The following ADA variants were observed in gnomAD, a reference collection of about 807,000 sequenced individuals.
ADA encodes the protein adenosine deaminase, also known as adenosine aminohydrolase.
In ADA, 45 loss-of-function variants were observed where a neutral mutation model predicts 49.0. That is an observed-to-expected ratio of 0.92 (90% CI 0.72 to 1.18). ADA has a LOEUF of 1.18. Among genes scored for constraint, ADA ranks in the 50% most tolerant of loss-of-function variants. The pLI, the probability that ADA is intolerant of heterozygous loss-of-function variation, is 0.00. For missense variants in ADA, 445 were observed against 472.5 expected, an observed-to-expected ratio of 0.94 and a Z score of 0.54; for synonymous variants, 173 against 184.2, an observed-to-expected ratio of 0.94 and a Z score of 0.49.
At chr20:44,636,205 G>C (rs1232934947) in intron 2 of ADA, 22 bp downstream of exon 2, 1 of 1,599,978 alleles carries the variant, frequency 6.3e-7, no homozygotes, top group South Asian at 1.1e-5. Context: ...CAGGGAGAGA[G>C]GGCTCTTCTG....
chr20:44,636,265 G>A lies in ADA; in HGVS notation c.57C>T (p.Asp19=), dbSNP rs762695968. 3.2e-5 allele frequency: 51 copies of A among 1,609,386 alleles called. 1 individual carries two copies. The highest frequency in any genetic ancestry group is 4.4e-5 in the South Asian group (4 of 90,064). Residue 19 remains aspartate (D), a synonymous_variant, in exon 2 of 12, where the codon GAC becomes GAT. Transcript: ENST00000372874. ...AGATGGTTTCAGGCTTGATGGATCC[G>A]TCTAGGTGGACATGCAGTTCCACCT... ...KPKVELHVHL[D]GSIKPETILY...
chr20:44,621,283 G>A, intron 9 of ADA, 136 bp from the exon 10 acceptor site: 1 of 1,179,652 alleles, frequency 8.5e-7, no homozygotes, highest in South Asian at 1.3e-5. Context: ...TTGTGCAGAG[G>A]GGGAAATAAA....
intron 10 of ADA, 160 bp downstream of exon 10, chr20:44,620,858 C>A: frequency 9.8e-7 from 1 of 1,018,832 alleles, no homozygotes; most frequent in Non-Finnish European, 1.5e-6. Context: ...GACGTCAACA[C>A]AAAGATGTCT....
intron 4 of ADA, 47 bp downstream of exon 4, chr20:44,626,409 C>T: frequency 1.2e-6 from 2 of 1,612,460 alleles, no homozygotes; most frequent in South Asian, 2.2e-5. Flanking sequence ...AGAGCTGAGC[C>T]TCCCAGCCAC....
intron 9 of ADA, 81 bp downstream of exon 9, chr20:44,622,507 C>G: frequency 1.3e-6 from 2 of 1,531,044 alleles, no homozygotes; most frequent in Non-Finnish European, 1.8e-6. Context: ...GCGGCATGGG[C>G]TGATGCCCAA....
At chr20:44,628,694 C>T (rs1393946842) in intron 3 of ADA, among the ~76,000 whole-genome samples, 1 of 151,972 alleles carries the variant, frequency 6.6e-6, no homozygotes, top group Admixed American at 6.6e-5. Context: ...CCACATCTCC[C>T]CGCCCCCACC....
intron 4 of ADA, chr20:44,626,198 C>T: frequency 1.7e-6 from 1 of 576,154 alleles, no homozygotes; most frequent in East Asian, 3.1e-5. Context: ...GTTAACATTC[C>T]TGGACAGCAG....
At chr20:44,630,118 G>A (rs382464) in intron 2 of ADA, among the ~76,000 whole-genome samples, 1 of 151,986 alleles carries the variant, frequency 6.6e-6, no homozygotes, top group Admixed American at 6.5e-5. Flanking sequence ...AGGCCAAGGT[G>A]CGAGGATCAT....
At chr20:44,630,384 G>A (rs1683479323) in intron 2 of ADA, among the ~76,000 whole-genome samples, 1 of 151,126 alleles carries the variant, frequency 6.6e-6, no homozygotes, top group African/African-American at 2.4e-5. Context: ...CTTCTAACAT[G>A]AGGGACAAAA....
intron 1 of ADA, among the ~76,000 whole-genome samples, chr20:44,650,730 G>A (rs973877921): frequency 6.6e-6 from 1 of 152,090 alleles, no homozygotes; most frequent in Non-Finnish European, 1.5e-5. Context: ...CAACCTCCTG[G>A]GCCACTCACA....
chr20:44,635,015 G>A (rs1395751246), intron 2 of ADA, among the ~76,000 whole-genome samples: 1 of 152,230 alleles, frequency 6.6e-6, no homozygotes, highest in East Asian at 1.9e-4. Flanking sequence ...CTAGCTCCTA[G>A]GTCATCTCTC....
chr20:44,620,975 T>A, intron 10 of ADA, 43 bp downstream of exon 10: 2 of 1,612,658 alleles, frequency 1.2e-6, no homozygotes, highest in African/African-American at 2.7e-5. Context: ...GATACCATAC[T>A]CCCAAACCCG....
chr20:44,627,528 T>G (rs1254228791), intron 3 of ADA, among the ~76,000 whole-genome samples: 1 of 152,148 alleles, frequency 6.6e-6, no homozygotes, highest in Admixed American at 6.5e-5. Flanking sequence ...TCCTGGGCTT[T>G]CTTTTTCTCC....
At chr20:44,629,537 C>T (rs1371713108) in intron 2 of ADA, among the ~76,000 whole-genome samples, 1 of 152,212 alleles carries the variant, frequency 6.6e-6, no homozygotes, top group Non-Finnish European at 1.5e-5. Context: ...TCCTCCTCAG[C>T]CCCAGGAGCT....
chr20:44,650,766 G>A (rs2145365633), intron 1 of ADA, among the ~76,000 whole-genome samples: 1 of 152,232 alleles, frequency 6.6e-6, no homozygotes, highest in Middle Eastern at 3.4e-3. Context: ...GGTAAGTTGA[G>A]GCTGACTGCA....
intron 4 of ADA, 117 bp from the exon 5 acceptor site, chr20:44,625,801 G>T: frequency 1.2e-6 from 1 of 808,462 alleles, no homozygotes; most frequent in Non-Finnish European, 2.1e-6. Flanking sequence ...CTCCCCCACT[G>T]ACCCACTGCC....
At chr20:44,624,497 C>A (rs902026649) in intron 5 of ADA, among the ~76,000 whole-genome samples, 168 bp from the exon 6 acceptor site, 3 of 152,254 alleles carry the variant, frequency 2.0e-5, no homozygotes, top group Non-Finnish European at 2.9e-5. Context: ...CTGCGGAAAA[C>A]TGCTCTGCTT....
At chr20:44,631,357 T>A (rs2065431663) in intron 2 of ADA, among the ~76,000 whole-genome samples, 1 of 151,922 alleles carries the variant, frequency 6.6e-6, no homozygotes, top group African/African-American at 2.4e-5. Context: ...CACCTGGAGG[T>A]CGGAGCTCAG....
chr20:44,631,947 G>T (rs78373910), intron 2 of ADA, among the ~76,000 whole-genome samples: 1 of 152,026 alleles, frequency 6.6e-6, no homozygotes, highest in Non-Finnish European at 1.5e-5. Context: ...TTCCAAATAC[G>T]GCTCCTCCAT....
Sources: gnomAD v4.1 joint callset for allele counts (sites outside exome capture counted in the v4.1 genomes callset) on GRCh38, gnomAD v4.1.1 for gene constraint, MANE v1.5 for transcripts, NCBI Gene and HGNC (gene_info 2026-07-23, HGNC 2026-07-21) for gene names.